Variants in DMD observed in about 807,000 individuals in gnomAD.
DMD encodes mutant dystrophin.
DMD carries 63 observed loss-of-function variants against 330.1 expected under a neutral mutation model. That is an observed-to-expected ratio of 0.19 (90% confidence interval 0.16 to 0.24). The LOEUF (loss-of-function observed/expected upper bound fraction) is 0.24, where lower values mean the gene tolerates loss of function less well. DMD is among the 10% of genes least tolerant of loss of function. The pLI, the probability that DMD is intolerant of heterozygous loss-of-function variation, is 1.00. For synonymous variants in DMD, 1,223 were observed against 959.8 expected (o/e 1.27, Z -5.07); for missense variants, 3,344 against 2,684.1 (o/e 1.25, Z -5.43).
chrX:31,598,663 G>A (rs1459802369), intron 55 of DMD, among the ~76,000 whole-genome samples: 4 of 111,483 alleles, frequency 3.6e-5, no homozygotes, highest in Non-Finnish European at 7.5e-5. Flanking sequence ...GCATGATATC[G>A]GTACTAAACA....
intron 60 of DMD, among the ~76,000 whole-genome samples, chrX:31,398,618 A>G (rs1248710366): frequency 8.9e-6 from 1 of 112,022 alleles, no homozygotes; most frequent in African/African-American, 3.2e-5. Flanking sequence ...AAGAGGCTAG[A>G]TCAGTGAATT....
intron 30 of DMD, among the ~76,000 whole-genome samples, chrX:32,393,744 T>C (rs1301895843): frequency 9.1e-6 from 1 of 109,489 alleles, no homozygotes; most frequent in Non-Finnish European, 1.9e-5. Context: ...AAGCACCAAA[T>C]AAAGAGAAAG....
chrX:32,397,517 A>G (rs1201239566), intron 30 of DMD, among the ~76,000 whole-genome samples: 1 of 111,980 alleles, frequency 8.9e-6, no homozygotes, highest in East Asian at 2.8e-4. Context: ...TAAAAAAGAC[A>G]TTTGAGCTTA....
At chrX:32,925,699 A>G in intron 2 of DMD, among the ~76,000 whole-genome samples, 1 of 112,298 alleles carries the variant, frequency 8.9e-6, no homozygotes, top group African/African-American at 3.2e-5. Flanking sequence ...AATTAATTGC[A>G]GGAGTTACTT....
intron 20 of DMD, 24 bp downstream of exon 20, chrX:32,491,253 A>C: frequency 2.5e-6 from 3 of 1,210,071 alleles, no homozygotes; most frequent in Non-Finnish European, 3.4e-6. Context: ...TTATGCTCCA[A>C]ATGGAAGGAG....
chrX:31,681,603 G>A (rs1210800985), intron 52 of DMD, among the ~76,000 whole-genome samples: 1 of 112,583 alleles, frequency 8.9e-6, no homozygotes, highest in African/African-American at 3.2e-5. Context: ...AAAGGGCATG[G>A]GAGCCCAATG....
chrX:31,709,596 G>A (rs938721260), intron 52 of DMD, among the ~76,000 whole-genome samples: 40 of 108,561 alleles, frequency 3.7e-4, no homozygotes, highest in Admixed American at 1.5e-3. Flanking sequence ...GTGTGTGTGT[G>A]TGTGTGTGTG....
intron 7 of DMD, among the ~76,000 whole-genome samples, chrX:32,767,845 C>T (rs1314246216): frequency 8.9e-6 from 1 of 111,791 alleles, no homozygotes; most frequent in African/African-American, 3.2e-5. Context: ...ATACCTGATG[C>T]TCATCTATAT....
intron 64 of DMD, among the ~76,000 whole-genome samples, chrX:31,222,557 A>T (rs1360745348): frequency 9.0e-6 from 1 of 111,302 alleles, no homozygotes; most frequent in Admixed American, 9.5e-5. Context: ...TTTTCCACAG[A>T]TGTATGATAA....
At chrX:32,922,856 T>C (rs1177456877) in intron 2 of DMD, among the ~76,000 whole-genome samples, 1 of 112,376 alleles carries the variant, frequency 8.9e-6, no homozygotes, top group African/African-American at 3.2e-5. Context: ...AAAATGGTTG[T>C]AGTATTGGTA....
chrX:31,522,363 C>CTCTCTATATATATA lies in DMD; in HGVS notation c.8218-14911_8218-14910insTATATATATAGAGA. ...TCTCTCTCTCTCTCTCTCTCTCTCT[C>CTCTCTATATATATA]TATATATATATATATATATATATAG... On this transcript the variant is annotated intron_variant, in intron 55 of 78. Transcript: ENST00000357033. 4.6e-3 allele frequency among the ~76,000 whole-genome samples: 166 copies of CTCTCTATATATATA among 35,950 alleles called. 1 individual carries two copies. Among genetic ancestry groups the CTCTCTATATATATA allele is most frequent in the Non-Finnish European group, 5.3e-3 (128 of 23,962 alleles). The allele number at this position is 35,950 out of a possible 115,157, so 31.2% of individuals were successfully genotyped here. A position where few individuals can be genotyped will look rare whatever the true frequency, so the allele number is the denominator to read the frequency against.
At chrX:31,209,833 T>A (rs888486581) in intron 64 of DMD, 134 bp from the exon 65 acceptor site, 1 of 595,691 alleles carries the variant, frequency 1.7e-6, no homozygotes. Flanking sequence ...CACACTCTCT[T>A]TGAAAGGTGT....
intron 50 of DMD, among the ~76,000 whole-genome samples, chrX:31,795,604 G>A (rs139363714): frequency 0.017 from 1,932 of 111,914 alleles, 46 homozygotes; most frequent in African/African-American, 0.059. Context: ...CCAGTTATGT[G>A]AGTTGAATTA....
At chrX:33,112,082 A>G (rs1311268989) in intron 1 of DMD, among the ~76,000 whole-genome samples, 1 of 110,880 alleles carries the variant, frequency 9.0e-6, no homozygotes, top group Non-Finnish European at 1.9e-5. Context: ...CCTCTTATCC[A>G]TGGTTTTGGT....
chrX:31,305,439 C>A (rs946613880), intron 62 of DMD, among the ~76,000 whole-genome samples: 4 of 111,873 alleles, frequency 3.6e-5, no homozygotes, highest in African/African-American at 6.5e-5. Context: ...GGATTGCCCT[C>A]TTTCTGTCCC....
intron 2 of DMD, among the ~76,000 whole-genome samples, chrX:32,968,454 T>G (rs921831860): frequency 2.7e-5 from 3 of 110,416 alleles, no homozygotes; most frequent in African/African-American, 9.9e-5. Context: ...AGCTGGAGAG[T>G]ATGTCAAGAT....
intron 47 of DMD, among the ~76,000 whole-genome samples, chrX:31,927,432 GTTC>G (rs1362938966): frequency 3.6e-5 from 4 of 111,609 alleles, no homozygotes; most frequent in Non-Finnish European, 5.7e-5. Flanking sequence ...TATAATTTTT[GTTC>G]TTCTTTTTGT....
chrX:31,671,345 T>C (rs2081776653), intron 53 of DMD, among the ~76,000 whole-genome samples: 1 of 112,851 alleles, frequency 8.9e-6, no homozygotes, highest in Non-Finnish European at 1.9e-5. Context: ...ATTGATATGG[T>C]ATAATACATT....
chrX:32,024,952 T>A (rs1254113610), intron 44 of DMD, among the ~76,000 whole-genome samples: 1 of 111,801 alleles, frequency 8.9e-6, no homozygotes, highest in Non-Finnish European at 1.9e-5. Context: ...GCAAAGTTTT[T>A]TTCTTCTTCA....
Sources: allele counts gnomAD v4.1 joint callset (sites outside exome capture counted in the v4.1 genomes callset), GRCh38; gene constraint gnomAD v4.1.1; transcripts MANE v1.5; gene names NCBI Gene and HGNC (gene_info 2026-07-23, HGNC 2026-07-21).